The following SLC44A1 variants were observed in gnomAD, a reference collection of about 807,000 sequenced individuals.
The protein encoded by SLC44A1 is solute carrier family 44 member 1.
SLC44A1 carries 26 observed loss-of-function variants against 79.3 expected under a neutral mutation model. The ratio of observed to expected loss-of-function variants is 0.33; its 90% confidence interval spans 0.24 to 0.46. SLC44A1 has a LOEUF of 0.46. Among genes scored for constraint, SLC44A1 ranks in the 20% least tolerant of loss-of-function variants. The probability of loss-of-function intolerance (pLI) is 1.00; values close to 1 mark genes in which losing one functional copy is unlikely to be tolerated. For missense variants in SLC44A1, 688 were observed against 798.1 expected, an observed-to-expected ratio of 0.86 and a Z score of 1.66; for synonymous variants, 263 against 286.2, an observed-to-expected ratio of 0.92 and a Z score of 0.82.
At chr9:105,372,171 T>G (rs1828123693) in intron 12 of SLC44A1, among the ~76,000 whole-genome samples, 1 of 152,216 alleles carries the variant, frequency 6.6e-6, no homozygotes, top group African/African-American at 2.4e-5. Context: ...GTTCTGTATT[T>G]TAGTTTTTGA....
intron 2 of SLC44A1, among the ~76,000 whole-genome samples, chr9:105,308,932 T>C (rs1831104311): frequency 6.6e-6 from 1 of 152,222 alleles, no homozygotes; most frequent in African/African-American, 2.4e-5. Context: ...CAGTGCATGC[T>C]TGACTTAGCA....
At chr9:105,330,979 G>A (rs951003120) in intron 3 of SLC44A1, among the ~76,000 whole-genome samples, 1 of 152,096 alleles carries the variant, frequency 6.6e-6, no homozygotes, top group Non-Finnish European at 1.5e-5. Context: ...ATCATGCTAT[G>A]TGCATATTGT....
In SLC44A1 at chr9:105,396,780, T is replaced by C; in HGVS notation, c.*7724T>C. 1 of 983,788 alleles carries C rather than the reference T, an allele frequency of 1.0e-6. No individual in the cohort carries two copies. Among genetic ancestry groups the C allele is most frequent in the Non-Finnish European group, 1.2e-6 (1 of 828,408 alleles). 60.9% of individuals were successfully genotyped at this position (983,788 alleles called of 1,614,324 possible). Reference sequence around the variant, plus strand: ...TAGTGCCAAAATGAATTTTTGTATCTTGTCTTGTCTTTGTCCATTATAAAC... The same window carrying C: ...TAGTGCCAAAATGAATTTTTGTATCCTGTCTTGTCTTTGTCCATTATAAAC... On this transcript the variant is annotated 3_prime_UTR_variant, in exon 16 of 16. Coordinates refer to ENST00000374720, the MANE Select transcript of SLC44A1 (RefSeq NM_080546.5).
chr9:105,356,175 T>A (rs1302743808), intron 5 of SLC44A1, 37 bp from the exon 6 acceptor site: 3 of 1,553,122 alleles, frequency 1.9e-6, no homozygotes, highest in Non-Finnish European at 2.7e-6. Flanking sequence ...TAAGTAGGAG[T>A]AATTTTTTTT....
At chr9:105,381,086 C>G (rs879619159) in intron 13 of SLC44A1, among the ~76,000 whole-genome samples, 3 of 152,168 alleles carry the variant, frequency 2.0e-5, no homozygotes, top group Non-Finnish European at 4.4e-5. Context: ...TTGAGCCATA[C>G]CTTTTTTCTA....
At chr9:105,329,928 T>A (rs915823984) in intron 3 of SLC44A1, among the ~76,000 whole-genome samples, 1 of 152,086 alleles carries the variant, frequency 6.6e-6, no homozygotes, top group Non-Finnish European at 1.5e-5. Context: ...TTACACAATT[T>A]CCACTGACAT....
At chr9:105,319,476 G>A (rs540014820) in intron 3 of SLC44A1, among the ~76,000 whole-genome samples, 1 of 152,146 alleles carries the variant, frequency 6.6e-6, no homozygotes, top group South Asian at 2.1e-4. Context: ...CTAAGCCTCA[G>A]TGTTCATAAT....
intron 1 of SLC44A1, among the ~76,000 whole-genome samples, chr9:105,249,865 A>ATTTTTT (rs71501461): frequency 7.9e-6 from 1 of 127,388 alleles, no homozygotes; most frequent in African/African-American, 3.1e-5. Flanking sequence ...CAGTTTACTA[A>ATTTTTT]TTTTTTTTTT....
At chr9:105,269,863 AG>A (rs1478259767) in intron 1 of SLC44A1, among the ~76,000 whole-genome samples, 2 of 152,168 alleles carry the variant, frequency 1.3e-5, no homozygotes, top group African/African-American at 4.8e-5. Flanking sequence ...GAGACAGGAG[AG>A]GCAGGTCTTA....
In SLC44A1 at chr9:105,361,176, G is replaced by A. The variant is rs1453153962; in HGVS notation, c.761-15G>A. 6.2e-7 allele frequency: 1 copy of A among 1,613,158 alleles called. No homozygotes were observed. Among genetic ancestry groups the A allele is most frequent in the Admixed American group, 1.7e-5 (1 of 60,008 alleles). Reference sequence around the variant, plus strand: ...TCCTAATTATTGCATTAACAGTTGGGTCTTTTGTCTCCAGGAGGCACAGGT... The same window carrying A: ...TCCTAATTATTGCATTAACAGTTGGATCTTTTGTCTCCAGGAGGCACAGGT... On this transcript the variant is annotated splice_polypyrimidine_tract_variant and intron_variant, in intron 7 of 15. Coordinates refer to ENST00000374720, the MANE Select transcript of SLC44A1 (RefSeq NM_080546.5).
chr9:105,309,598 T>C, intron 2 of SLC44A1, 126 bp from the exon 3 acceptor site: 1 of 768,982 alleles, frequency 1.3e-6, no homozygotes, highest in South Asian at 1.8e-5. Context: ...GGAATAGTGT[T>C]TGCAGTAAGA....
At chr9:105,412,022 T>C (rs888519586) in intron 15 of SLC44A1, among the ~76,000 whole-genome samples, 1 of 152,226 alleles carries the variant, frequency 6.6e-6, no homozygotes, top group Non-Finnish European at 1.5e-5. Context: ...CATTCTTCTC[T>C]GAAACAGCTA....
chr9:105,252,379 G>A (rs915101432), intron 1 of SLC44A1, among the ~76,000 whole-genome samples: 3 of 152,164 alleles, frequency 2.0e-5, no homozygotes, highest in Non-Finnish European at 4.4e-5. Flanking sequence ...CAGATATTCT[G>A]TTTCCCTCCA....
intron 14 of SLC44A1, 120 bp downstream of exon 14, chr9:105,383,479 C>T: frequency 1.5e-6 from 1 of 663,972 alleles, no homozygotes; most frequent in African/African-American, 1.8e-5. Context: ...GAATTAACCC[C>T]ATAGCACTGA....
At chr9:105,355,909 C>T in intron 5 of SLC44A1, 1 of 282,168 alleles carries the variant, frequency 3.5e-6, no homozygotes, top group Non-Finnish European at 6.5e-6. Flanking sequence ...TTTGGTTTTG[C>T]TTTTGGTAGT....
intron 15 of SLC44A1, among the ~76,000 whole-genome samples, chr9:105,404,533 G>A (rs528849347): frequency 4.6e-5 from 7 of 152,352 alleles, no homozygotes; most frequent in African/African-American, 1.4e-4. Flanking sequence ...TTTATTGCCA[G>A]TGCCTCCAGT....
chr9:105,324,247 G>A (rs367640404), intron 3 of SLC44A1, among the ~76,000 whole-genome samples: 275 of 150,166 alleles, frequency 1.8e-3, no homozygotes, highest in Middle Eastern at 6.9e-3. Context: ...CACCGTGCCC[G>A]GAATTTTTTT....
At chr9:105,371,332 A>C (rs1417497471) in intron 12 of SLC44A1, among the ~76,000 whole-genome samples, 1 of 152,236 alleles carries the variant, frequency 6.6e-6, no homozygotes, top group South Asian at 2.1e-4. Flanking sequence ...GCCATACAGG[A>C]TCTTTCACGA....
At chr9:105,358,549 T>A (rs184468286) in intron 7 of SLC44A1, 116 bp downstream of exon 7, 2 of 658,370 alleles carry the variant, frequency 3.0e-6, no homozygotes, top group East Asian at 5.6e-5. Flanking sequence ...CAAGGAAGAC[T>A]GTTAATTTTT....
Sources: gnomAD v4.1 joint callset for allele counts (sites outside exome capture counted in the v4.1 genomes callset) on GRCh38, gnomAD v4.1.1 for gene constraint, MANE v1.5 for transcripts, NCBI Gene and HGNC (gene_info 2026-07-23, HGNC 2026-07-21) for gene names.